Variants in LCE5A observed in about 807,000 individuals in gnomAD.
The protein encoded by LCE5A is late cornified envelope 5A.
For synonymous variants in LCE5A, 51 were observed against 54.2 expected, an observed-to-expected ratio of 0.94 and a Z score of 0.26; for missense variants, 139 against 147.2, an observed-to-expected ratio of 0.94 and a Z score of 0.29.
chr1:152,511,387 G>A (rs908088164), intron 1 of LCE5A, 127 bp from the exon 2 acceptor site: 21 of 689,708 alleles, frequency 3.0e-5, no homozygotes, highest in Non-Finnish European at 4.9e-5. Flanking sequence ...GACAGAGTGA[G>A]ACTCCATCCC....
rs566740816 is a variant in LCE5A at position 152,511,495 on chromosome 1, G to A, written c.-21-19G>A. ...TTTTAAGGGCAAGGAAGTGACCTTG[G>A]GCTTGTATTGTCTTTCAGCTTTATT... On this transcript the variant is annotated intron_variant, in intron 1 of 1. Coordinates refer to ENST00000334269, the MANE Select transcript of LCE5A (RefSeq NM_178438.5). 1 of 1,563,710 alleles carries A rather than the reference G, an allele frequency of 6.4e-7. No individual in the cohort carries two copies. The highest frequency in any genetic ancestry group is 8.8e-7 in the Non-Finnish European group (1 of 1,134,926).
At position 152,511,622 on chromosome 1, in the gene LCE5A, C is replaced by A; in HGVS notation, c.88C>A (p.Pro30Thr). The change falls in exon 2 of 2, where the codon CCC becomes ACC. Residue 30 changes from proline to threonine, a missense_variant. Physicochemically the swap from Pro to Thr is conservative, Grantham distance 38. Transcript: ENST00000334269. ...CPPKCTPKCP[P>T]KCPPKCPPQC... Reference sequence around the variant, plus strand: ...TCCCAAGTGTACTCCTAAGTGTCCTCCCAAGTGTCCCCCAAAATGCCCTCC... The same window carrying A: ...TCCCAAGTGTACTCCTAAGTGTCCTACCAAGTGTCCCCCAAAATGCCCTCC... 6.2e-7 allele frequency: 1 copy of A among 1,614,116 alleles called. No homozygotes were observed. The highest frequency in any genetic ancestry group is 1.1e-5 in the South Asian group (1 of 91,080).
chr1:152,511,023 A>T (rs1658554639), intron 1 of LCE5A, 25 bp downstream of exon 1: 1 of 153,160 alleles, frequency 6.5e-6, no homozygotes, highest in Non-Finnish European at 1.5e-5. Context: ...TGAAGGACTG[A>T]TGCCTTTCTG....
chr1:152,511,681 T>G lies in LCE5A; in HGVS notation c.147T>G (p.Ser49=). 1 of 1,614,164 alleles carries G rather than the reference T, an allele frequency of 6.2e-7. No individual in the cohort carries two copies. Among genetic ancestry groups the G allele is most frequent in the Non-Finnish European group, 8.5e-7 (1 of 1,180,028 alleles). Residue 49 remains serine (S), a synonymous_variant, in exon 2 of 2, where the codon TCT becomes TCG. Coordinates refer to ENST00000334269, the MANE Select transcript of LCE5A (RefSeq NM_178438.5). ...QCSAPCPPPV[S]SCCGSSSGGC... The stretch of plus-strand genomic sequence containing the variant: ...CAGCCCCATGCCCACCTCCAGTCTC[T>G]TCCTGCTGTGGTTCCAGCTCTGGGG...
At position 152,511,905 on chromosome 1, in the gene LCE5A, G is replaced by A. The variant is rs1361212126; in HGVS notation, c.*14G>A. On this transcript the variant is annotated 3_prime_UTR_variant, in exon 2 of 2. Coordinates refer to ENST00000334269, the MANE Select transcript of LCE5A (RefSeq NM_178438.5). ...GGCTGCTGCTGACCTGGGCCATGAG[G>A]AGCACGGAGGAGAAGGACTGGCAGA... The A allele has an allele frequency of 6.3e-7, 1 of 1,592,104 alleles. No individual in the cohort carries two copies. The highest frequency in any genetic ancestry group is 1.8e-4 in the Middle Eastern group (1 of 5,476).
chr1:152,511,462 T>C (rs1237982319), intron 1 of LCE5A, 52 bp from the exon 2 acceptor site: 3 of 1,159,400 alleles, frequency 2.6e-6, no homozygotes, highest in Non-Finnish European at 3.8e-6. Flanking sequence ...TGTGAAATTA[T>C]AGTTCAATTT....
rs751294583 is a variant in LCE5A at position 152,511,832 on chromosome 1, AGCTGCTGCCACAGCTCTGGGGGCTCTG to A, written c.318_344del (p.Gly107_Gly115del). On this transcript the variant is annotated inframe_deletion, in exon 2 of 2. Transcript: ENST00000334269. ...CAGTGGCCAGCAGTCTGGGGGCTCC[AGCTGCTGCCACAGCTCTGGGGGCTCTG>A]GCTGCTGCCACAGCTCTGGAGGCTG... 5.5e-5 allele frequency: 89 copies of A among 1,613,584 alleles called. No individual in the cohort carries two copies. Among genetic ancestry groups the A allele is most frequent in the Non-Finnish European group, 7.1e-5 (84 of 1,179,890 alleles).
intron 1 of LCE5A, 104 bp from the exon 2 acceptor site, chr1:152,511,410 T>C (rs1226473487): frequency 3.9e-6 from 3 of 762,184 alleles, no homozygotes; most frequent in Non-Finnish European, 6.5e-6. Flanking sequence ...ATAATAATAA[T>C]AATCATAATA....
At chr1:152,511,439 A>T (rs903815487) in intron 1 of LCE5A, 75 bp from the exon 2 acceptor site, 2 of 920,438 alleles carry the variant, frequency 2.2e-6, no homozygotes, top group East Asian at 2.4e-5. Flanking sequence ...TGGTCATCTT[A>T]GAGATAAAAT....
chr1:152,511,284 G>A (rs1557942271), intron 1 of LCE5A, among the ~76,000 whole-genome samples: 1 of 152,008 alleles, frequency 6.6e-6, no homozygotes, highest in African/African-American at 2.4e-5. Flanking sequence ...TGGGTGTGGT[G>A]GTGCACACCT....
In LCE5A at chr1:152,511,452, T is replaced by G. The variant is rs571170010; in HGVS notation, c.-21-62T>G. On this transcript the variant is annotated intron_variant, in intron 1 of 1. Coordinates refer to ENST00000334269, the MANE Select transcript of LCE5A (RefSeq NM_178438.5). ...TCTGGTCATCTTAGAGATAAAATCT[T>G]GTGAAATTATAGTTCAATTTTAAGG... 22 of 1,049,720 alleles carry G rather than the reference T, an allele frequency of 2.1e-5. No individual in the cohort carries two copies. The East Asian group carries it at 4.5e-4, about 21-fold the overall frequency. The allele number at this position is 1,049,720 out of a possible 1,614,324, so 65.0% of individuals were successfully genotyped here. A position where few individuals can be genotyped will look rare whatever the true frequency, so the allele number is the denominator to read the frequency against.
Position 152,511,604 on chromosome 1 carries a change from T to C in LCE5A, c.70T>C (p.Cys24Arg). 6.2e-7 allele frequency: 1 copy of C among 1,614,094 alleles called. No homozygotes were observed. The highest frequency in any genetic ancestry group is 1.3e-5 in the African/African-American group (1 of 75,012). Reference protein sequence around the residue: ...PKCTPKCPPKCTPKCPPKCPP... With the variant: ...PKCTPKCPPKRTPKCPPKCPP... ...ATGTACCCCTAAATGCCCTCCCAAGTGTACTCCTAAGTGTCCTCCCAAGTG... is the reference window on the plus strand; with the variant it reads ...ATGTACCCCTAAATGCCCTCCCAAGCGTACTCCTAAGTGTCCTCCCAAGTG... Residue 24 changes from cysteine to arginine, a missense_variant, in exon 2 of 2, where the codon TGT (cysteine) becomes CGT (arginine). By Grantham distance (180) the Cys-to-Arg change is radical. Transcript: ENST00000334269.
Position 152,511,587 on chromosome 1 carries a change from C to T in LCE5A, c.53C>T (p.Pro18Leu), listed in dbSNP as rs748607882. The T allele has an allele frequency of 3.7e-6, 6 of 1,614,142 alleles. No individual in the cohort carries two copies. The highest frequency in any genetic ancestry group is 1.1e-5 in the South Asian group (1 of 91,086). Residue 18 changes from proline (P) to leucine (L), a missense_variant, in exon 2 of 2, where the codon CCT becomes CTT. Transcript: ENST00000334269. ...TGCCAGCCTCCTCCCAAATGTACCC[C>T]TAAATGCCCTCCCAAGTGTACTCCT... is the stretch of plus-strand genomic sequence containing the variant. Reference protein sequence around the residue: ...QQCQPPPKCTPKCPPKCTPKC... With the variant: ...QQCQPPPKCTLKCPPKCTPKC...
In LCE5A at chr1:152,511,588, T is replaced by C; in HGVS notation, c.54T>C (p.Pro18=). 6.2e-7 allele frequency: 1 copy of C among 1,614,078 alleles called. No homozygotes were observed. Among genetic ancestry groups the C allele is most frequent in the Non-Finnish European group, 8.5e-7 (1 of 1,179,994 alleles). The change falls in exon 2 of 2, where the codon CCT becomes CCC. Residue 18 remains proline, a synonymous_variant. Transcript: ENST00000334269. ...GCCAGCCTCCTCCCAAATGTACCCCTAAATGCCCTCCCAAGTGTACTCCTA... is the reference window on the plus strand; with the variant it reads ...GCCAGCCTCCTCCCAAATGTACCCCCAAATGCCCTCCCAAGTGTACTCCTA... ...QQCQPPPKCT[P]KCPPKCTPKC...
At chr1:152,511,451 T>G (rs1658568925) in intron 1 of LCE5A, 63 bp from the exon 2 acceptor site, 2 of 1,044,838 alleles carry the variant, frequency 1.9e-6, no homozygotes, top group Non-Finnish European at 2.9e-6. Context: ...AGATAAAATC[T>G]TGTGAAATTA....
In LCE5A at chr1:152,511,665, G is replaced by C. The variant is rs1467290635; in HGVS notation, c.131G>C (p.Cys44Ser). 6.8e-6 allele frequency: 11 copies of C among 1,614,138 alleles called. 1 individual carries two copies. The highest frequency in any genetic ancestry group is 6.7e-5 in the African/African-American group (5 of 75,042). The change falls in exon 2 of 2, where the codon TGC (cysteine) becomes TCC (serine). Residue 44 changes from cysteine (C) to serine (S), a missense_variant. Transcript: ENST00000334269. ...TGCCCTCCCCAGTGTTCAGCCCCAT[G>C]CCCACCTCCAGTCTCTTCCTGCTGT... is the stretch of plus-strand genomic sequence containing the variant. ...PKCPPQCSAP[C>S]PPPVSSCCGS... is the part of the protein sequence containing the mutation.
chr1:152,511,218 T>C (rs1658559587), intron 1 of LCE5A, among the ~76,000 whole-genome samples: 1 of 151,382 alleles, frequency 6.6e-6, no homozygotes, highest in Non-Finnish European at 1.5e-5. Flanking sequence ...AGGTCAGGAG[T>C]TCGAGACTGA....
At chr1:152,511,282 G>T (rs1658561393) in intron 1 of LCE5A, among the ~76,000 whole-genome samples, 2 of 152,110 alleles carry the variant, frequency 1.3e-5, no homozygotes, top group South Asian at 2.1e-4. Flanking sequence ...GCTGGGTGTG[G>T]TGGTGCACAC....
rs746758631 is a variant in LCE5A, at chr1:152,511,868, C to G, written c.334C>G (p.His112Asp). 9 of 1,613,088 alleles carry G rather than the reference C, an allele frequency of 5.6e-6. No individual in the cohort carries two copies. Among genetic ancestry groups the G allele is most frequent in the South Asian group, 5.5e-5 (5 of 90,974 alleles). Residue 112 changes from histidine to aspartate, a missense_variant, in exon 2 of 2, where the codon CAC becomes GAC. Coordinates refer to ENST00000334269, the MANE Select transcript of LCE5A (RefSeq NM_178438.5). ...CHSSGGSGCC[H>D]SSGGCC The stretch of plus-strand genomic sequence containing the variant: ...CAGCTCTGGGGGCTCTGGCTGCTGC[C>G]ACAGCTCTGGAGGCTGCTGCTGACC...
Sources: gnomAD v4.1 joint callset for allele counts (sites outside exome capture counted in the v4.1 genomes callset) on GRCh38, gnomAD v4.1.1 for gene constraint, MANE v1.5 for transcripts, NCBI Gene and HGNC (gene_info 2026-07-23, HGNC 2026-07-21) for gene names.